Variants in PDE2A observed in about 807,000 individuals in gnomAD.
PDE2A encodes the protein phosphodiesterase 2A.
PDE2A carries 53 observed loss-of-function variants against 133.6 expected under a neutral mutation model. That is an observed-to-expected ratio of 0.40 (90% confidence interval 0.32 to 0.50). The LOEUF (loss-of-function observed/expected upper bound fraction) is 0.50, where lower values mean the gene tolerates loss of function less well. Ranked by LOEUF, PDE2A falls within the 20% of genes least tolerant of loss-of-function variation. PDE2A has a pLI of 0.73. For synonymous variants in PDE2A, 491 were observed against 490.2 expected (o/e 1.00, Z -0.02); for missense variants, 796 against 1,232.4 (o/e 0.65, Z 5.30).
At chr11:72,626,687 C>T (rs1452165115) in intron 2 of PDE2A, among the ~76,000 whole-genome samples, 1 of 152,204 alleles carries the variant, frequency 6.6e-6, no homozygotes, top group African/African-American at 2.4e-5. Context: ...AGCCCTACTC[C>T]ACCTGCAGCG....
intron 2 of PDE2A, among the ~76,000 whole-genome samples, chr11:72,632,300 G>A (rs943413940): frequency 6.6e-5 from 10 of 152,140 alleles, no homozygotes; most frequent in East Asian, 3.9e-4. Flanking sequence ...GAAGCAGGGC[G>A]TCTGGTTGTC....
intron 1 of PDE2A, among the ~76,000 whole-genome samples, chr11:72,654,142 C>G (rs1343256268): frequency 2.0e-5 from 3 of 152,174 alleles, no homozygotes; most frequent in Non-Finnish European, 4.4e-5. Flanking sequence ...CCCTCTTTCC[C>G]AATAGCAGGC....
intron 1 of PDE2A, among the ~76,000 whole-genome samples, chr11:72,669,698 G>A (rs540176809): frequency 6.6e-6 from 1 of 152,088 alleles, no homozygotes; most frequent in Non-Finnish European, 1.5e-5. Context: ...AATAAGGGGT[G>A]ATGGCTCATT....
chr11:72,617,207 G>A (rs1421362337), intron 2 of PDE2A, among the ~76,000 whole-genome samples: 2 of 152,240 alleles, frequency 1.3e-5, no homozygotes, highest in African/African-American at 4.8e-5. Context: ...TGTCCTCACT[G>A]TGCCCATTGT....
chr11:72,653,443 G>T (rs1854802175), intron 1 of PDE2A, among the ~76,000 whole-genome samples: 1 of 152,166 alleles, frequency 6.6e-6, no homozygotes, highest in Non-Finnish European at 1.5e-5. Flanking sequence ...CCAGAGGCAG[G>T]GGGGTCCTGA....
chr11:72,650,133 T>C (rs1340962029), intron 1 of PDE2A, among the ~76,000 whole-genome samples: 1 of 151,712 alleles, frequency 6.6e-6, no homozygotes, highest in Non-Finnish European at 1.5e-5. Flanking sequence ...GCAATTCTCC[T>C]GCCTCAGCCT....
chr11:72,578,838 G>A lies in PDE2A; in HGVS notation c.2469+59C>T. 9.7e-7 allele frequency: 1 copy of A among 1,028,130 alleles called. No homozygotes were observed. Among genetic ancestry groups the A allele is most frequent in the South Asian group, 1.3e-5 (1 of 76,860 alleles). 63.7% of individuals were successfully genotyped at this position (1,028,130 alleles called of 1,614,324 possible). ...AGAGAGAGGGTATTCAGGCACAGGGGGCACCCAAAGCTGGGCAGGGTGGGC... is the reference window on the plus strand; with the variant it reads ...AGAGAGAGGGTATTCAGGCACAGGGAGCACCCAAAGCTGGGCAGGGTGGGC... On this transcript the variant is annotated intron_variant, in intron 28 of 30. Coordinates refer to ENST00000334456, the MANE Select transcript of PDE2A (RefSeq NM_002599.5). The surrounding 1 kb of genome is among the most constrained non-coding windows in gnomAD (Gnocchi z 4.2).
Position 72,578,801 on chromosome 11 carries a change from G to T in PDE2A, c.2469+96C>A. On this transcript the variant is annotated intron_variant, in intron 28 of 30. Transcript: ENST00000334456. This position sits in a 1 kb window ranked among gnomAD's most constrained non-coding sequence, Gnocchi z 4.2. ...TTCTGTCTCCCCAGAACACAGCCAG[G>T]CTGAGCTGAGCAGAGAGAGGGTATT... is the stretch of plus-strand genomic sequence containing the variant. 1 of 772,098 alleles carries T rather than the reference G, an allele frequency of 1.3e-6. No homozygotes were observed. The highest frequency in any genetic ancestry group is 2.3e-6 in the Non-Finnish European group (1 of 439,230). 47.8% of individuals were successfully genotyped at this position (772,098 alleles called of 1,614,324 possible). A position where few individuals can be genotyped will look rare whatever the true frequency, so the allele number is the denominator to read the frequency against.
intron 3 of PDE2A, among the ~76,000 whole-genome samples, chr11:72,608,095 ACCCCAAACCTG>A (rs1345322286): frequency 6.6e-6 from 1 of 152,046 alleles, no homozygotes; most frequent in Admixed American, 6.5e-5. Flanking sequence ...AACCATGATC[ACCCCAAACCTG>A]CCCCAAACCT....
At chr11:72,579,634 C>T (rs763820159) in intron 25 of PDE2A, 26 bp from the exon 26 acceptor site, 1 of 1,553,678 alleles carries the variant, frequency 6.4e-7, no homozygotes, top group East Asian at 2.2e-5. Context: ...TGATGGGGGC[C>T]CAGCTGGGGC....
chr11:72,623,967 T>C (rs34927568), intron 2 of PDE2A, among the ~76,000 whole-genome samples: 23,998 of 150,684 alleles, frequency 0.16, 2,574 homozygotes, highest in Middle Eastern at 0.26. Flanking sequence ...CTCGCACACA[T>C]ACATATTCTG....
intron 21 of PDE2A, 108 bp downstream of exon 21, chr11:72,582,336 C>T (rs989821456): frequency 1.0e-5 from 12 of 1,143,694 alleles, no homozygotes; most frequent in South Asian, 1.5e-5. Context: ...CCCTCCACAG[C>T]CTTCCTTGAT....
chr11:72,642,446 C>A (rs1415022727), intron 1 of PDE2A, 120 bp from the exon 2 acceptor site: 1 of 1,138,738 alleles, frequency 8.8e-7, no homozygotes, highest in Non-Finnish European at 1.1e-6. Flanking sequence ...ACAGCTTCGC[C>A]TGGTCCGCCC....
intron 2 of PDE2A, among the ~76,000 whole-genome samples, chr11:72,624,689 G>A: frequency 6.6e-6 from 1 of 152,204 alleles, no homozygotes; most frequent in East Asian, 1.9e-4. Context: ...TCACACACGT[G>A]GTAGCATGCA....
At chr11:72,672,749 T>C (rs1855414390) in intron 1 of PDE2A, among the ~76,000 whole-genome samples, 1 of 148,338 alleles carries the variant, frequency 6.7e-6, no homozygotes, top group Admixed American at 6.8e-5. Context: ...ATTCTCAAGC[T>C]ATTTTATGTC....
intron 6 of PDE2A, among the ~76,000 whole-genome samples, chr11:72,592,068 C>T (rs991887199): frequency 6.6e-6 from 1 of 152,204 alleles, no homozygotes; most frequent in Non-Finnish European, 1.5e-5. Flanking sequence ...CATCCTGTCC[C>T]TCTCCAAGCT....
chr11:72,638,767 C>T (rs760374847), intron 2 of PDE2A, among the ~76,000 whole-genome samples: 15 of 152,156 alleles, frequency 9.9e-5, no homozygotes, highest in East Asian at 1.9e-4. Context: ...ACAATGTCAA[C>T]GACAATGAAG....
Position 72,590,506 on chromosome 11 carries a change from G to T in PDE2A, c.624C>A (p.Asn208Lys), listed in dbSNP as rs1392566241. The T allele has an allele frequency of 2.7e-6, 4 of 1,491,352 alleles. No homozygotes were observed. The highest frequency in any genetic ancestry group is 3.6e-6 in the Non-Finnish European group (4 of 1,126,066). 92.4% of individuals were successfully genotyped at this position (1,491,352 alleles called of 1,614,324 possible). The change falls in exon 8 of 31, where the codon AAC (asparagine) becomes AAA (lysine). Residue 208 changes from asparagine to lysine, a missense_variant. Physicochemically the swap from Asn to Lys is moderately conservative, Grantham distance 94. Transcript: ENST00000334456. The surrounding 1 kb of genome is among the most constrained non-coding windows in gnomAD (Gnocchi z 4.8). ...GPREAPRAVQ[N>K]PPEGTAEDQK... ...GGTCTTCCGCCGTCCCCTCCGGGGG[G>T]TTCTGGACGGCTCGGGGAGCCTCCC...
At position 72,594,801 on chromosome 11, in the gene PDE2A, C is replaced by CAA. The variant is rs574474194; in HGVS notation, c.489+1790_489+1791dup. ...CCTACCTGTGCCCCAAGGCCCCACA[C>CAA]AAATGCTTTCTCTGTGATGAGGTAC... On this transcript the variant is annotated intron_variant, in intron 6 of 30. Coordinates refer to ENST00000334456, the MANE Select transcript of PDE2A (RefSeq NM_002599.5). Among the ~76,000 whole-genome samples the CAA allele has an allele frequency of 4.5e-3, 685 of 152,344 alleles. 1 individual carries two copies. The highest frequency in any genetic ancestry group is 0.016 in the African/African-American group (666 of 41,570).
Sources: allele counts gnomAD v4.1 joint callset (sites outside exome capture counted in the v4.1 genomes callset), GRCh38; gene constraint gnomAD v4.1.1; non-coding constraint Gnocchi (gnomAD v3.1); transcripts MANE v1.5; gene names NCBI Gene and HGNC (gene_info 2026-07-23, HGNC 2026-07-21).